The following COL11A1 variants were observed in gnomAD, a reference collection of about 807,000 sequenced individuals.
COL11A1 encodes the protein collagen alpha-1(XI) chain.
In COL11A1, 74 loss-of-function variants were observed where a neutral mutation model predicts 265.2. That is an observed-to-expected ratio of 0.28 (90% CI 0.23 to 0.34). The LOEUF is 0.34. Among genes scored for constraint, COL11A1 ranks in the 10% least tolerant of loss-of-function variants. The pLI, the probability that COL11A1 is intolerant of heterozygous loss-of-function variation, is 1.00. For missense variants in COL11A1, 2,165 were observed against 2,263.6 expected (o/e 0.96, Z 0.88); for synonymous variants, 816 against 727.6 (o/e 1.12, Z -1.96).
In COL11A1 at chr1:103,036,377, T is replaced by C. The variant is rs1183521087; in HGVS notation, c.652-5133A>G. On this transcript the variant is annotated intron_variant, in intron 4 of 66. Transcript: ENST00000370096. ...GATACTTATGTATATAAATATATAT[T>C]ATATATAATATAAATATATATCTAT... 3.4e-5 allele frequency among the ~76,000 whole-genome samples: 5 copies of C among 145,800 alleles called. No homozygotes were observed. The East Asian group carries it at 9.8e-4, about 28-fold the overall frequency.
At chr1:103,086,440 G>A (rs149671155) in intron 1 of COL11A1, among the ~76,000 whole-genome samples, 120 of 150,520 alleles carry the variant, frequency 8.0e-4, no homozygotes, top group African/African-American at 1.9e-3. Flanking sequence ...TTTTTGAGAC[G>A]GAGTCTTGCT....
chr1:103,048,778 TAGAG>T (rs946281871), intron 4 of COL11A1, among the ~76,000 whole-genome samples: 3 of 152,136 alleles, frequency 2.0e-5, no homozygotes, highest in African/African-American at 7.2e-5. Context: ...GAATATGTCC[TAGAG>T]ATTCTGGTAT....
In COL11A1 at chr1:103,025,565, T is replaced by C. The variant is rs369794634; in HGVS notation, c.946A>G (p.Ser316Gly). ...TGCCTAGGAGCTTCTGTCTGGTAAC[T>C]TTCCATTGTTCCATAGTTGTATTCT... Reference protein sequence around the residue: ...FQEYNYGTMESYQTEAPRHVS... With the variant: ...FQEYNYGTMEGYQTEAPRHVS... Residue 316 changes from serine to glycine, a missense_variant, in exon 7 of 67, where the codon AGT (serine) becomes GGT (glycine). Ser to Gly is a moderately conservative substitution (Grantham distance 56). Coordinates refer to ENST00000370096, the MANE Select transcript of COL11A1 (RefSeq NM_001854.4). 2.4e-5 allele frequency: 38 copies of C among 1,613,800 alleles called. No individual in the cohort carries two copies. In the African/African-American group the frequency reaches 4.4e-4, roughly 19 times the overall value.
chr1:102,960,488 G>C (rs1403211323), intron 41 of COL11A1, among the ~76,000 whole-genome samples: 2 of 112,566 alleles, frequency 1.8e-5, no homozygotes, highest in South Asian at 4.6e-4. Flanking sequence ...GTGTGTGTGT[G>C]GGGGGGGGAA....
intron 1 of COL11A1, among the ~76,000 whole-genome samples, chr1:103,086,512 G>T (rs1672876025): frequency 6.6e-6 from 1 of 152,116 alleles, no homozygotes; most frequent in Admixed American, 6.5e-5. Context: ...CGCCTCCCAG[G>T]TTCACGCCAC....
At chr1:103,028,381 T>A (rs1201353113) in intron 5 of COL11A1, among the ~76,000 whole-genome samples, 1 of 152,170 alleles carries the variant, frequency 6.6e-6, no homozygotes, top group African/African-American at 2.4e-5. Flanking sequence ...CTCCTTTATC[T>A]GCACAGCTTC....
At chr1:103,082,095 T>C (rs998841189) in intron 2 of COL11A1, among the ~76,000 whole-genome samples, 1 of 152,138 alleles carries the variant, frequency 6.6e-6, no homozygotes, top group African/African-American at 2.4e-5. Context: ...TCATGATTTC[T>C]AGATAATTAG....
intron 41 of COL11A1, among the ~76,000 whole-genome samples, chr1:102,948,985 G>T (rs769836862): frequency 2.0e-5 from 3 of 151,966 alleles, no homozygotes; most frequent in Non-Finnish European, 4.4e-5. Flanking sequence ...AAAAAGTATA[G>T]GAGGTGGATA....
At chr1:103,039,866 G>T (rs948667920) in intron 4 of COL11A1, among the ~76,000 whole-genome samples, 4 of 151,910 alleles carry the variant, frequency 2.6e-5, no homozygotes, top group Middle Eastern at 3.4e-3. Flanking sequence ...CTATATCCAG[G>T]GTCCGGTATT....
rs751056885 is a variant in COL11A1, at chr1:103,001,984, T to C, written c.2098-15A>G. On this transcript the variant is annotated splice_polypyrimidine_tract_variant and intron_variant, in intron 23 of 66. Transcript: ENST00000370096. ...CCAGGAAGACCCTATTTTAAAAGAA[T>C]TTATTTCATATATCAGATATCAAAT... The C allele has an allele frequency of 2.5e-6, 4 of 1,607,236 alleles. No individual in the cohort carries two copies. The highest frequency in any genetic ancestry group is 3.4e-6 in the Non-Finnish European group (4 of 1,173,948).
chr1:102,908,684 C>T (rs1418022635), intron 54 of COL11A1, among the ~76,000 whole-genome samples: 3 of 142,118 alleles, frequency 2.1e-5, no homozygotes, highest in African/African-American at 2.6e-5. Flanking sequence ...TTACATATAC[C>T]CTTAGGTATT....
At chr1:102,925,214 C>CGCA (rs1427156619) in intron 46 of COL11A1, among the ~76,000 whole-genome samples, 3 of 151,972 alleles carry the variant, frequency 2.0e-5, no homozygotes, top group Non-Finnish European at 2.9e-5. Context: ...CCTAACCATG[C>CGCA]GCATGTAAAG....
intron 65 of COL11A1, among the ~76,000 whole-genome samples, chr1:102,880,620 C>T (rs1365396322): frequency 6.6e-6 from 1 of 151,526 alleles, no homozygotes; most frequent in Non-Finnish European, 1.5e-5. Flanking sequence ...CTCATATCAT[C>T]TTTATAAATT....
intron 12 of COL11A1, 102 bp downstream of exon 12, chr1:103,015,566 A>T (rs906767881): frequency 2.2e-6 from 2 of 899,028 alleles, no homozygotes; most frequent in African/African-American, 3.4e-5. Flanking sequence ...TACCTTGTAC[A>T]ATGGTTTTTA....
At chr1:102,926,082 T>G (rs555015654) in intron 46 of COL11A1, among the ~76,000 whole-genome samples, 1 of 152,228 alleles carries the variant, frequency 6.6e-6, no homozygotes, top group South Asian at 2.1e-4. Context: ...AAAAATTTAT[T>G]TATTTTTAAT....
At position 102,935,132 on chromosome 1, in the gene COL11A1, A is replaced by G; in HGVS notation, c.3439-19T>C. On this transcript the variant is annotated intron_variant, in intron 44 of 66. Coordinates refer to ENST00000370096, the MANE Select transcript of COL11A1 (RefSeq NM_001854.4). ...GAGGGCCCTGCAGTGAGATAAAAAT[A>G]AGTAATTTTTAAAGTGAAGCCAGAA... 1 of 1,608,842 alleles carries G rather than the reference A, an allele frequency of 6.2e-7. No homozygotes were observed. The highest frequency in any genetic ancestry group is 1.7e-4 in the Middle Eastern group (1 of 6,044).
chr1:102,887,041 C>T lies in COL11A1; in HGVS notation c.4624G>A (p.Val1542Ile), dbSNP rs754341755. 1.2e-6 allele frequency: 2 copies of T among 1,613,790 alleles called. No homozygotes were observed. Among genetic ancestry groups the T allele is most frequent in the South Asian group, 2.2e-5 (2 of 91,078 alleles). Residue 1542 changes from valine (V) to isoleucine (I), a missense_variant, in exon 63 of 67, where the codon GTC becomes ATC. By Grantham distance (29) the Val-to-Ile change is conservative. Coordinates refer to ENST00000370096, the MANE Select transcript of COL11A1 (RefSeq NM_001854.4). Reference protein sequence around the residue: ...PPGSPGPPGEVIQPLPILSSK... With the variant: ...PPGSPGPPGEIIQPLPILSSK... ...GACAAGATTGGTAAAGGCTGAATGA[C>T]TTCACCAGGTGGACCCTGTAAAGAA...
chr1:102,965,632 GAAAGTCACCTATTGACTAA>G (rs1319151059), intron 37 of COL11A1, 92 bp from the exon 38 acceptor site: 15 of 967,030 alleles, frequency 1.6e-5, no homozygotes, highest in Non-Finnish European at 2.5e-5. Flanking sequence ...CACATTAAAA[GAAAGTCACCTATTGACTAA>G]AAATATTTAT....
At chr1:103,023,370 C>CTTTTTTTT (rs112800509) in intron 7 of COL11A1, among the ~76,000 whole-genome samples, 3,902 of 142,760 alleles carry the variant, frequency 0.027, 79 homozygotes, top group Middle Eastern at 0.09. Flanking sequence ...TTTTTTCTTT[C>CTTTTTTTT]TTTTTTTTTT....
Sources: gnomAD v4.1 joint callset for allele counts (sites outside exome capture counted in the v4.1 genomes callset) on GRCh38, gnomAD v4.1.1 for gene constraint, MANE v1.5 for transcripts, NCBI Gene and HGNC (gene_info 2026-07-23, HGNC 2026-07-21) for gene names.